GABRA4: variants seen among roughly 807,000 people sequenced by gnomAD.
GABRA4 encodes gamma-aminobutyric acid receptor subunit alpha-4.
GABRA4 carries 12 observed loss-of-function variants against 49.7 expected under a neutral mutation model. The ratio of observed to expected loss-of-function variants is 0.24; its 90% CI spans 0.15 to 0.39. GABRA4 has a LOEUF of 0.39. Among genes scored for constraint, GABRA4 ranks in the 10% least tolerant of loss-of-function variants. GABRA4 has a pLI of 1.00. For missense variants in GABRA4, 506 were observed against 686.0 expected (o/e 0.74, Z 2.93); for synonymous variants, 288 against 240.2 (o/e 1.20, Z -1.84).
At chr4:46,931,099 CA>C (rs1721417700) in intron 8 of GABRA4, among the ~76,000 whole-genome samples, 6 of 151,918 alleles carry the variant, frequency 3.9e-5, no homozygotes, top group Admixed American at 3.3e-4. Context: ...AGAGAGTCCC[CA>C]TTGAGTATTT....
At chr4:46,981,616 C>A (rs1335799506) in intron 2 of GABRA4, among the ~76,000 whole-genome samples, 1 of 152,060 alleles carries the variant, frequency 6.6e-6, no homozygotes, top group Non-Finnish European at 1.5e-5. Context: ...GGCTCTGATG[C>A]TACATTGGTA....
Position 46,953,468 on chromosome 4 carries a change from T to A in GABRA4, c.1134+11502A>T, listed in dbSNP as rs141661773. Among the ~76,000 whole-genome samples the A allele has an allele frequency of 3.6e-3, 555 of 152,302 alleles. 3 individuals carry two copies. The highest frequency in any genetic ancestry group is 0.012 in the African/African-American group (510 of 41,578). On this transcript the variant is annotated intron_variant, in intron 8 of 8. Coordinates refer to ENST00000264318, the MANE Select transcript of GABRA4 (RefSeq NM_000809.4). ...AATAAGTATTGTTAATTGAATATGT[T>A]GATGCACATAAAATAGATTATTTCA... is the stretch of plus-strand genomic sequence containing the variant.
At chr4:46,946,027 T>TC (rs1374964343) in intron 8 of GABRA4, among the ~76,000 whole-genome samples, 2 of 152,192 alleles carry the variant, frequency 1.3e-5, no homozygotes, top group East Asian at 3.9e-4. Flanking sequence ...AAATTTCTGC[T>TC]CCACAATAAA....
In GABRA4 at chr4:46,992,901, G is replaced by A. The variant is rs1234208826; in HGVS notation, c.132C>T (p.Cys44=). The change falls in exon 2 of 9, where the codon TGC becomes TGT. Residue 44 remains cysteine (C), a synonymous_variant. Coordinates refer to ENST00000264318, the MANE Select transcript of GABRA4 (RefSeq NM_000809.4). ...CCAGGATGCGGGTGAAATTTTCTGT[G>A]CACAATTTCTCCTCCTTTTGGTTCT... ...PGQNQKEEKL[C]TENFTRILDS... 6.2e-7 allele frequency: 1 copy of A among 1,612,714 alleles called. No individual in the cohort carries two copies. The highest frequency in any genetic ancestry group is 2.2e-5 in the East Asian group (1 of 44,778).
At position 46,933,036 on chromosome 4, in the gene GABRA4, A is replaced by G. The variant is rs1721495787; in HGVS notation, c.1135-4281T>C. On this transcript the variant is annotated intron_variant, in intron 8 of 8. Transcript: ENST00000264318. ...GAGAGTCTAAGCAAAAATAAAAAGAATCAGTCTAAGGTGGTTAGAAAAAAG... is the reference window on the plus strand; with the variant it reads ...GAGAGTCTAAGCAAAAATAAAAAGAGTCAGTCTAAGGTGGTTAGAAAAAAG... Among the ~76,000 whole-genome samples the G allele has an allele frequency of 2.6e-5, 4 of 152,298 alleles. No homozygotes were observed. The South Asian group carries it at 8.3e-4, about 32-fold the overall frequency.
chr4:46,932,237 T>C (rs907613632), intron 8 of GABRA4, among the ~76,000 whole-genome samples: 1 of 152,090 alleles, frequency 6.6e-6, no homozygotes. Flanking sequence ...CTATAAGAAT[T>C]ACAATATTTT....
intron 2 of GABRA4, among the ~76,000 whole-genome samples, chr4:46,985,956 T>C (rs1038838773): frequency 1.3e-5 from 2 of 151,962 alleles, no homozygotes; most frequent in East Asian, 3.9e-4. Context: ...AAGAAAAACA[T>C]GTTATGGTCT....
chr4:46,956,516 A>C (rs1394114148), intron 8 of GABRA4, among the ~76,000 whole-genome samples: 1 of 151,966 alleles, frequency 6.6e-6, no homozygotes, highest in Non-Finnish European at 1.5e-5. Context: ...CTTATAATGC[A>C]CAGCTGTTTG....
chr4:46,979,825 C>T (rs1723284277), intron 2 of GABRA4, among the ~76,000 whole-genome samples: 1 of 152,106 alleles, frequency 6.6e-6, no homozygotes, highest in Non-Finnish European at 1.5e-5. Context: ...GTTCCCTTTG[C>T]TTCTGACAGT....
chr4:46,936,758 T>C (rs774200028), intron 8 of GABRA4, among the ~76,000 whole-genome samples: 3 of 152,178 alleles, frequency 2.0e-5, no homozygotes, highest in African/African-American at 7.2e-5. Flanking sequence ...TCTAAATATA[T>C]TGGAATATTT....
At chr4:46,952,777 A>G (rs567575706) in intron 8 of GABRA4, among the ~76,000 whole-genome samples, 1 of 152,174 alleles carries the variant, frequency 6.6e-6, no homozygotes, top group East Asian at 1.9e-4. Flanking sequence ...TTTGAAGCTG[A>G]TTTTTTCCAT....
chr4:46,960,893 A>G (rs915273319), intron 8 of GABRA4, among the ~76,000 whole-genome samples: 1 of 151,826 alleles, frequency 6.6e-6, no homozygotes, highest in African/African-American at 2.4e-5. Flanking sequence ...GAAAATAGAA[A>G]CAATGAAATA....
chr4:46,944,227 A>G (rs1721908938), intron 8 of GABRA4, among the ~76,000 whole-genome samples: 1 of 152,184 alleles, frequency 6.6e-6, no homozygotes, highest in South Asian at 2.1e-4. Context: ...ATGTCAAAAC[A>G]TGATGCTGCA....
chr4:46,936,359 C>T (rs1030334511), intron 8 of GABRA4, among the ~76,000 whole-genome samples: 7 of 152,186 alleles, frequency 4.6e-5, no homozygotes, highest in African/African-American at 1.7e-4. Flanking sequence ...AAGCAATTCT[C>T]CTGCCTCAGC....
intron 8 of GABRA4, among the ~76,000 whole-genome samples, chr4:46,949,598 T>C (rs1201771636): frequency 6.6e-6 from 1 of 152,134 alleles, no homozygotes; most frequent in Non-Finnish European, 1.5e-5. Context: ...AATCTGTATA[T>C]TTCATTGAAA....
chr4:46,929,207 A>C (rs1261743806), intron 8 of GABRA4, among the ~76,000 whole-genome samples: 11 of 151,946 alleles, frequency 7.2e-5, no homozygotes, highest in Non-Finnish European at 1.6e-4. Context: ...ATGTACACAG[A>C]ATATCAACAA....
At chr4:46,935,610 G>A (rs144299465) in intron 8 of GABRA4, among the ~76,000 whole-genome samples, 220 of 151,824 alleles carry the variant, frequency 1.4e-3, no homozygotes, top group Non-Finnish European at 2.5e-3. Context: ...TGGAGTGGGA[G>A]TTGAACAATG....
chr4:46,971,417 T>C (rs1374996521), intron 6 of GABRA4, among the ~76,000 whole-genome samples, 182 bp from the exon 7 acceptor site: 2 of 151,578 alleles, frequency 1.3e-5, no homozygotes, highest in East Asian at 3.9e-4. Flanking sequence ...TATTGAACGT[T>C]ATTATACAGA....
chr4:46,980,851 G>A (rs1437883426), intron 2 of GABRA4, among the ~76,000 whole-genome samples: 1 of 152,044 alleles, frequency 6.6e-6, no homozygotes, highest in African/African-American at 2.4e-5. Flanking sequence ...AGTTTCTTAA[G>A]GACAATTGCC....
Sources: allele counts gnomAD v4.1 joint callset (sites outside exome capture counted in the v4.1 genomes callset), GRCh38; gene constraint gnomAD v4.1.1; transcripts MANE v1.5; gene names NCBI Gene and HGNC (gene_info 2026-07-23, HGNC 2026-07-21).